MYO3B: variants seen among roughly 807,000 people sequenced by gnomAD.
MYO3B encodes myosin-IIIb.
Under a neutral mutation model 174.6 loss-of-function variants are expected in MYO3B, and 156 were observed. The ratio of observed to expected loss-of-function variants is 0.89; its 90% CI spans 0.78 to 1.02. The LOEUF (loss-of-function observed/expected upper bound fraction) is 1.02, where lower values mean the gene tolerates loss of function less well. Ranked by LOEUF, MYO3B falls within the 50% of genes least tolerant of loss-of-function variation. The probability of loss-of-function intolerance (pLI) is 0.00; values close to 1 mark genes in which losing one functional copy is unlikely to be tolerated. For missense variants in MYO3B, 1,632 were observed against 1,639.4 expected (o/e 1.00, Z 0.08); for synonymous variants, 563 against 569.1 (o/e 0.99, Z 0.15).
Position 170,200,215 on chromosome 2 carries a change from T to C in MYO3B, c.252T>C (p.Val84=). 2.5e-6 allele frequency: 4 copies of C among 1,613,608 alleles called. No homozygotes were observed. Among genetic ancestry groups the C allele is most frequent in the Non-Finnish European group, 3.4e-6 (4 of 1,179,682 alleles). Residue 84 remains valine, a synonymous_variant, in exon 3 of 35, where the codon GTT becomes GTC. Coordinates refer to ENST00000408978, the MANE Select transcript of MYO3B (RefSeq NM_138995.5). ...ILQFLPNHPN[V]VKFYGMFYKA... ...AGTTCCTTCCTAATCATCCCAATGT[T>C]GTAAAGTTTTATGGGATGTTTTACA...
intron 7 of MYO3B, among the ~76,000 whole-genome samples, chr2:170,295,343 C>T (rs1307539598): frequency 6.8e-6 from 1 of 146,420 alleles, no homozygotes; most frequent in Admixed American, 7.0e-5. Flanking sequence ...TGTGTATATT[C>T]TATTGTATTG....
intron 32 of MYO3B, among the ~76,000 whole-genome samples, chr2:170,602,476 A>G (rs1258042839): frequency 6.6e-6 from 1 of 152,222 alleles, no homozygotes; most frequent in African/African-American, 2.4e-5. Flanking sequence ...CACTTATAAC[A>G]AAGTTTTGAA....
chr2:170,353,479 C>T (rs953177077), intron 8 of MYO3B, among the ~76,000 whole-genome samples: 3 of 152,160 alleles, frequency 2.0e-5, no homozygotes, highest in Non-Finnish European at 4.4e-5. Context: ...TAATACTCTA[C>T]GAATGGATTA....
Position 170,652,171 on chromosome 2 carries a change from T to A in MYO3B, c.3887+17T>A. ...AAAACTTGGGTAAATATCTGTCTTCTTAGTTCTAAGCAACTGTAAACAGAA... is the reference window on the plus strand; with the variant it reads ...AAAACTTGGGTAAATATCTGTCTTCATAGTTCTAAGCAACTGTAAACAGAA... On this transcript the variant is annotated intron_variant, in intron 34 of 34. Transcript: ENST00000408978. 1 of 1,612,596 alleles carries A rather than the reference T, an allele frequency of 6.2e-7. No homozygotes were observed.
chr2:170,305,905 G>T (rs558838627), intron 7 of MYO3B, among the ~76,000 whole-genome samples: 1 of 152,206 alleles, frequency 6.6e-6, no homozygotes, highest in African/African-American at 2.4e-5. Context: ...AACCTTAGTG[G>T]GTTAAAGCGA....
intron 7 of MYO3B, among the ~76,000 whole-genome samples, chr2:170,332,504 A>T (rs1253193466): frequency 6.6e-6 from 1 of 152,194 alleles, no homozygotes; most frequent in Non-Finnish European, 1.5e-5. Flanking sequence ...ATTAGAATTT[A>T]TATTGCCAGT....
intron 7 of MYO3B, among the ~76,000 whole-genome samples, chr2:170,299,418 T>G (rs2093650488): frequency 6.6e-6 from 1 of 152,236 alleles, no homozygotes; most frequent in Non-Finnish European, 1.5e-5. Context: ...GCCATGATCC[T>G]TGATAGAATT....
intron 32 of MYO3B, among the ~76,000 whole-genome samples, chr2:170,578,791 T>C (rs1692955362): frequency 6.6e-6 from 1 of 152,244 alleles, no homozygotes; most frequent in Non-Finnish European, 1.5e-5. Flanking sequence ...CTGCGAGGAA[T>C]TGTGCTGTCC....
At chr2:170,565,934 G>C (rs1184234205) in intron 32 of MYO3B, among the ~76,000 whole-genome samples, 1 of 152,196 alleles carries the variant, frequency 6.6e-6, no homozygotes, top group Non-Finnish European at 1.5e-5. Flanking sequence ...ACTGAGAGAG[G>C]AGGGTGTAGC....
chr2:170,236,160 G>C, intron 7 of MYO3B, 24 bp downstream of exon 7: 1 of 1,613,616 alleles, frequency 6.2e-7, no homozygotes, highest in South Asian at 1.1e-5. Context: ...TGGCGCTCTT[G>C]ACTCATTAGT....
At chr2:170,268,478 A>T (rs2093400792) in intron 7 of MYO3B, among the ~76,000 whole-genome samples, 1 of 152,254 alleles carries the variant, frequency 6.6e-6, no homozygotes, top group African/African-American at 2.4e-5. Context: ...TCAAAATATT[A>T]AATCTTGAAT....
intron 27 of MYO3B, 53 bp downstream of exon 27, chr2:170,499,861 G>C: frequency 6.4e-7 from 1 of 1,556,144 alleles, no homozygotes; most frequent in Non-Finnish European, 8.8e-7. Context: ...ATGTCATTAA[G>C]TACTGGGGAA....
At chr2:170,597,645 A>G (rs536714694) in intron 32 of MYO3B, among the ~76,000 whole-genome samples, 1 of 152,110 alleles carries the variant, frequency 6.6e-6, no homozygotes, top group African/African-American at 2.4e-5. Context: ...TGGTTAGGGG[A>G]AAAAAAAGAA....
chr2:170,264,833 A>C (rs1203210674), intron 7 of MYO3B, among the ~76,000 whole-genome samples: 2 of 152,198 alleles, frequency 1.3e-5, no homozygotes, highest in Non-Finnish European at 2.9e-5. Flanking sequence ...GGAGGATGGC[A>C]GTAGCAAGGT....
At chr2:170,287,236 A>G (rs148646110) in intron 7 of MYO3B, among the ~76,000 whole-genome samples, 2 of 152,292 alleles carry the variant, frequency 1.3e-5, no homozygotes, top group African/African-American at 4.8e-5. Context: ...TCCTTTGGAT[A>G]TATACCCAGT....
At chr2:170,200,456 C>A (rs945003953) in intron 3 of MYO3B, among the ~76,000 whole-genome samples, 172 bp downstream of exon 3, 1 of 152,150 alleles carries the variant, frequency 6.6e-6, no homozygotes, top group African/African-American at 2.4e-5. Context: ...TACAGGTAGG[C>A]CTTATGCTAA....
At chr2:170,402,078 A>T (rs1056919831) in intron 18 of MYO3B, among the ~76,000 whole-genome samples, 3 of 152,242 alleles carry the variant, frequency 2.0e-5, no homozygotes, top group Non-Finnish European at 4.4e-5. Context: ...TTGAGAGAAT[A>T]GTCTTGGCTG....
chr2:170,253,857 C>T (rs1574660604), intron 7 of MYO3B, among the ~76,000 whole-genome samples: 1 of 116,392 alleles, frequency 8.6e-6, no homozygotes, highest in Non-Finnish European at 1.6e-5. Context: ...TCAGAGAAAA[C>T]TGGTGATGCT....
intron 32 of MYO3B, among the ~76,000 whole-genome samples, chr2:170,617,909 CAAGTT>C (rs934856434): frequency 4.6e-5 from 7 of 152,092 alleles, no homozygotes; most frequent in African/African-American, 1.7e-4. Context: ...CATTTGAAGA[CAAGTT>C]GAGAGGACAC....
Sources: gnomAD v4.1 joint callset for allele counts (sites outside exome capture counted in the v4.1 genomes callset) on GRCh38, gnomAD v4.1.1 for gene constraint, MANE v1.5 for transcripts, NCBI Gene and HGNC (gene_info 2026-07-23, HGNC 2026-07-21) for gene names.